The following ANAPC10 variants were observed in gnomAD, a reference collection of about 807,000 sequenced individuals.
ANAPC10 encodes anaphase promoting complex subunit 10.
ANAPC10 carries 12 observed loss-of-function variants against 22.0 expected under a neutral mutation model. The ratio of observed to expected loss-of-function variants is 0.55; its 90% CI spans 0.35 to 0.88. The LOEUF (loss-of-function observed/expected upper bound fraction) is 0.88. Ranked by LOEUF, ANAPC10 falls within the 40% of genes least tolerant of loss-of-function variation. The pLI, the probability that ANAPC10 is intolerant of heterozygous loss-of-function variation, is 0.01. For synonymous variants in ANAPC10, 65 were observed against 69.5 expected, an observed-to-expected ratio of 0.94 and a Z score of 0.32; for missense variants, 188 against 220.9, an observed-to-expected ratio of 0.85 and a Z score of 0.94.
At chr4:145,029,545 G>A (rs1443943044) in intron 4 of ANAPC10, among the ~76,000 whole-genome samples, 1 of 152,172 alleles carries the variant, frequency 6.6e-6, no homozygotes, top group Non-Finnish European at 1.5e-5. Flanking sequence ...ATGGATAATG[G>A]TGGAAGGAAC....
At chr4:145,062,749 A>G (rs1453705356) in intron 4 of ANAPC10, among the ~76,000 whole-genome samples, 3 of 152,246 alleles carry the variant, frequency 2.0e-5, no homozygotes, top group African/African-American at 7.2e-5. Context: ...CACAATAGCT[A>G]AGATATAGAA....
intron 4 of ANAPC10, among the ~76,000 whole-genome samples, chr4:145,059,861 A>T (rs886893611): frequency 3.3e-5 from 5 of 152,084 alleles, no homozygotes; most frequent in Non-Finnish European, 7.4e-5. Context: ...TAAAAAAAAA[A>T]TCTCACACAT....
chr4:145,082,806 C>A (rs1746268368), intron 2 of ANAPC10, among the ~76,000 whole-genome samples: 1 of 152,090 alleles, frequency 6.6e-6, no homozygotes, highest in South Asian at 2.1e-4. Flanking sequence ...TGGTAAAATG[C>A]AGACTTTTTA....
intron 1 of ANAPC10, chr4:145,097,266 T>G: frequency 2.8e-5 from 10 of 357,414 alleles, no homozygotes; most frequent in South Asian, 2.1e-4. Context: ...CCATAGAAGA[T>G]AAGGTCAGGA....
At chr4:145,008,012 C>T (rs752840479) in intron 4 of ANAPC10, among the ~76,000 whole-genome samples, 2 of 151,964 alleles carry the variant, frequency 1.3e-5, no homozygotes, top group Non-Finnish European at 2.9e-5. Context: ...ATATCACCAC[C>T]GATCCCACAG....
chr4:145,083,542 T>A (rs1440664836), intron 2 of ANAPC10, among the ~76,000 whole-genome samples: 1 of 152,190 alleles, frequency 6.6e-6, no homozygotes, highest in African/African-American at 2.4e-5. Context: ...TGTAAAAGAA[T>A]ACCTATTCCC....
chr4:145,031,786 T>C (rs1447106162), intron 4 of ANAPC10, among the ~76,000 whole-genome samples: 3 of 152,208 alleles, frequency 2.0e-5, no homozygotes, highest in Non-Finnish European at 4.4e-5. Flanking sequence ...CTGCCATCTT[T>C]TGCAAATAAC....
chr4:145,069,352 AAAACTCCAG>A (rs1744160820), intron 3 of ANAPC10, among the ~76,000 whole-genome samples: 1 of 152,228 alleles, frequency 6.6e-6, no homozygotes, highest in Non-Finnish European at 1.5e-5. Flanking sequence ...ACACAAAGAA[AAAACTCCAG>A]AAATATGCGT....
At chr4:145,021,436 A>G (rs985925115) in intron 4 of ANAPC10, among the ~76,000 whole-genome samples, 1 of 152,160 alleles carries the variant, frequency 6.6e-6, no homozygotes, top group African/African-American at 2.4e-5. Context: ...AGGACAGCCT[A>G]TTCAACAAAT....
chr4:145,021,262 C>G (rs1190208557), intron 4 of ANAPC10, among the ~76,000 whole-genome samples: 2 of 152,136 alleles, frequency 1.3e-5, no homozygotes, highest in Non-Finnish European at 2.9e-5. Context: ...ATCACACTAC[C>G]TGATTTCAAA....
At chr4:145,032,248 G>T (rs1412585122) in intron 4 of ANAPC10, among the ~76,000 whole-genome samples, 1 of 152,224 alleles carries the variant, frequency 6.6e-6, no homozygotes, top group African/African-American at 2.4e-5. Context: ...AGCGGTGAAA[G>T]GAAATCTTCC....
At chr4:145,059,517 T>C (rs1742567699) in intron 4 of ANAPC10, among the ~76,000 whole-genome samples, 1 of 152,108 alleles carries the variant, frequency 6.6e-6, no homozygotes, top group Admixed American at 6.5e-5. Context: ...TTGTGCTCTA[T>C]CAATATTTTA....
At chr4:144,996,453 G>A (rs772699199) in intron 4 of ANAPC10, among the ~76,000 whole-genome samples, 12 of 152,108 alleles carry the variant, frequency 7.9e-5, no homozygotes, top group Non-Finnish European at 1.5e-4. Context: ...GAGACTTGGC[G>A]CTCCCATGCA....
At chr4:145,002,470 GAA>G (rs34371034) in intron 4 of ANAPC10, among the ~76,000 whole-genome samples, 33,446 of 151,782 alleles carry the variant, frequency 0.22, 4,425 homozygotes, top group East Asian at 0.45. Flanking sequence ...TAGAAAATCG[GAA>G]AAGTTTCTAT....
intron 2 of ANAPC10, among the ~76,000 whole-genome samples, chr4:145,094,238 A>T (rs962767059): frequency 2.0e-5 from 3 of 152,196 alleles, no homozygotes; most frequent in African/African-American, 7.2e-5. Flanking sequence ...AAGACACTAG[A>T]CCCAATAAGC....
rs1158692561 is a variant in ANAPC10, at chr4:145,097,809, C to G, written c.-13+311G>C. On this transcript the variant is annotated intron_variant, in intron 1 of 4. Transcript: ENST00000507656. ...CCATCTTTAGGGCAGAATTCAACTG[C>G]CGGACTTGGGACTGGACGCCACCAA... The G allele has an allele frequency of 8.8e-6, 3 of 339,286 alleles. No homozygotes were observed. The East Asian group carries it at 2.3e-4, about 26-fold the overall frequency. The allele number at this position is 339,286 out of a possible 1,614,324, so 21.0% of individuals were successfully genotyped here.
chr4:145,069,709 AT>A (rs1173752068), intron 3 of ANAPC10, among the ~76,000 whole-genome samples: 1 of 152,060 alleles, frequency 6.6e-6, no homozygotes, highest in Admixed American at 6.6e-5. Context: ...GGTCAGAACT[AT>A]TTTCTTAATA....
At chr4:145,017,521 C>G (rs545648822) in intron 4 of ANAPC10, among the ~76,000 whole-genome samples, 1 of 152,278 alleles carries the variant, frequency 6.6e-6, no homozygotes, top group East Asian at 1.9e-4. Context: ...CACTGTTGGT[C>G]AGACTGTGAA....
At chr4:145,030,298 T>G (rs1737363605) in intron 4 of ANAPC10, among the ~76,000 whole-genome samples, 1 of 152,156 alleles carries the variant, frequency 6.6e-6, no homozygotes, top group Non-Finnish European at 1.5e-5. Flanking sequence ...CAGAACCCCT[T>G]GAATGAAGGA....
Sources: allele counts gnomAD v4.1 joint callset (sites outside exome capture counted in the v4.1 genomes callset), GRCh38; gene constraint gnomAD v4.1.1; transcripts MANE v1.5; gene names NCBI Gene and HGNC (gene_info 2026-07-23, HGNC 2026-07-21).